Variants in TRPM7 observed in about 807,000 individuals in gnomAD.
TRPM7 encodes the protein LTRPC ion channel family member 7.
In TRPM7, 134 loss-of-function variants were observed where a neutral mutation model predicts 229.7. The ratio of observed to expected loss-of-function variants is 0.58; its 90% CI spans 0.51 to 0.67. TRPM7 has a LOEUF of 0.67. Ranked by LOEUF, TRPM7 falls within the 30% of genes least tolerant of loss-of-function variation. TRPM7 has a pLI of 0.00. For synonymous variants in TRPM7, 699 were observed against 715.2 expected, an observed-to-expected ratio of 0.98 and a Z score of 0.36; for missense variants, 1,901 against 2,210.0, an observed-to-expected ratio of 0.86 and a Z score of 2.80.
chr15:50,632,762 G>C, intron 9 of TRPM7, 107 bp downstream of exon 9: 1 of 1,105,444 alleles, frequency 9.0e-7, no homozygotes, highest in Non-Finnish European at 1.2e-6. Context: ...AGATTTCAAA[G>C]TTTAAAATCC....
At chr15:50,640,872 T>C (rs183450455) in intron 5 of TRPM7, among the ~76,000 whole-genome samples, 2 of 152,186 alleles carry the variant, frequency 1.3e-5, no homozygotes, top group African/African-American at 2.4e-5. Context: ...GATGACCATG[T>C]GCAAGCCAAA....
At chr15:50,569,362 G>A (rs926695310) in intron 38 of TRPM7, among the ~76,000 whole-genome samples, 1 of 152,106 alleles carries the variant, frequency 6.6e-6, no homozygotes, top group African/African-American at 2.4e-5. Flanking sequence ...TCCTGTTCCT[G>A]CTTGATCAAA....
At chr15:50,611,363 C>T in intron 16 of TRPM7, 42 bp from the exon 17 acceptor site, 1 of 1,495,970 alleles carries the variant, frequency 6.7e-7, no homozygotes, top group Non-Finnish European at 9.2e-7. Context: ...GATTAACAAA[C>T]TGCAATTTTA....
intron 3 of TRPM7, among the ~76,000 whole-genome samples, chr15:50,653,877 G>A (rs926065114): frequency 6.6e-6 from 1 of 152,092 alleles, no homozygotes; most frequent in African/African-American, 2.4e-5. Flanking sequence ...TGTGAACGGG[G>A]TCCTAAAGGT....
intron 11 of TRPM7, among the ~76,000 whole-genome samples, chr15:50,626,784 T>C (rs545573431): frequency 7.1e-6 from 1 of 141,522 alleles, no homozygotes; most frequent in East Asian, 2.1e-4. Flanking sequence ...ATATAGGAAA[T>C]ACATTCCCAT....
chr15:50,578,744 CA>C, intron 30 of TRPM7, 80 bp from the exon 31 acceptor site: 1 of 962,436 alleles, frequency 1.0e-6, no homozygotes, highest in Non-Finnish European at 1.5e-6. Flanking sequence ...TGATTTTATA[CA>C]ATTATTATAT....
In TRPM7 at chr15:50,614,122, C is replaced by T; in HGVS notation, c.1635+1G>A. 1 of 1,591,808 alleles carries T rather than the reference C, an allele frequency of 6.3e-7. No homozygotes were observed. On this transcript the variant is annotated splice_donor_variant, in intron 14 of 38. Transcript: ENST00000646667. LOFTEE classifies it high-confidence loss of function. Reference sequence around the variant, plus strand: ...TAGATTTCCCCACAAATTTTACATACCCGATTATTTCCACCAAGACTATTA... The same window carrying T: ...TAGATTTCCCCACAAATTTTACATATCCGATTATTTCCACCAAGACTATTA...
chr15:50,623,151 C>A (rs539045090), intron 12 of TRPM7, among the ~76,000 whole-genome samples: 3 of 152,206 alleles, frequency 2.0e-5, no homozygotes, highest in Admixed American at 2.0e-4. Flanking sequence ...CAGTGGCTCA[C>A]GCCTGTAATC....
At chr15:50,629,062 G>C (rs2060648864) in intron 10 of TRPM7, among the ~76,000 whole-genome samples, 1 of 152,088 alleles carries the variant, frequency 6.6e-6, no homozygotes, top group Admixed American at 6.5e-5. Context: ...TAGATATTCA[G>C]GTTATTTTGA....
intron 21 of TRPM7, among the ~76,000 whole-genome samples, chr15:50,602,186 T>C (rs1261244748): frequency 1.3e-5 from 2 of 152,120 alleles, no homozygotes; most frequent in African/African-American, 2.4e-5. Context: ...ATATACACCA[T>C]GGAATACTAT....
chr15:50,578,899 A>C (rs895839625), intron 30 of TRPM7, among the ~76,000 whole-genome samples: 4 of 151,484 alleles, frequency 2.6e-5, no homozygotes, highest in African/African-American at 9.7e-5. Context: ...TTGTATCTCC[A>C]ATTTATGCAT....
intron 21 of TRPM7, among the ~76,000 whole-genome samples, chr15:50,601,671 T>C (rs1327092981): frequency 6.6e-6 from 1 of 151,934 alleles, no homozygotes; most frequent in African/African-American, 2.4e-5. Context: ...AGTAAAATTT[T>C]TAAAAATGAG....
At chr15:50,586,314 T>C in intron 28 of TRPM7, 78 bp downstream of exon 28, 1 of 974,138 alleles carries the variant, frequency 1.0e-6, no homozygotes, top group Non-Finnish European at 1.6e-6. Context: ...ACTGCTCATG[T>C]GTTTGACAAA....
In TRPM7 at chr15:50,583,071, T is replaced by C. The variant is rs1048014858; in HGVS notation, c.4557+18A>G. 3.2e-6 allele frequency: 5 copies of C among 1,548,536 alleles called. No homozygotes were observed. The African/African-American group carries it at 4.2e-5, about 13-fold the overall frequency. ...ATGTATTTAATAATATATATCTGTTTAGTTGAAATCTACAAACCGGTATTA... is the reference window on the plus strand; with the variant it reads ...ATGTATTTAATAATATATATCTGTTCAGTTGAAATCTACAAACCGGTATTA... On this transcript the variant is annotated intron_variant, in intron 29 of 38. Transcript: ENST00000646667.
intron 3 of TRPM7, among the ~76,000 whole-genome samples, chr15:50,651,829 G>T (rs1463018886): frequency 6.6e-6 from 1 of 152,060 alleles, no homozygotes; most frequent in Non-Finnish European, 1.5e-5. Flanking sequence ...GGGGGTTGCA[G>T]TGAGCTGAGA....
chr15:50,677,263 C>A (rs1212556464), intron 1 of TRPM7, among the ~76,000 whole-genome samples: 1 of 152,082 alleles, frequency 6.6e-6, no homozygotes, highest in East Asian at 1.9e-4. Flanking sequence ...CCTATCAGAC[C>A]CAGGGCCCCA....
chr15:50,603,329 T>C (rs1189020279), intron 21 of TRPM7, among the ~76,000 whole-genome samples: 1 of 151,886 alleles, frequency 6.6e-6, no homozygotes, highest in Non-Finnish European at 1.5e-5. Context: ...TTTTTTTAAT[T>C]ATTATACTTT....
At chr15:50,564,825 T>C (rs529398886) in intron 38 of TRPM7, among the ~76,000 whole-genome samples, 2 of 152,260 alleles carry the variant, frequency 1.3e-5, no homozygotes, top group South Asian at 2.1e-4. Flanking sequence ...TTCAAGACTA[T>C]GTCAGTATGG....
At chr15:50,625,471 C>A (rs188723350) in intron 11 of TRPM7, among the ~76,000 whole-genome samples, 2 of 152,228 alleles carry the variant, frequency 1.3e-5, no homozygotes, top group Non-Finnish European at 2.9e-5. Flanking sequence ...CCCAGTGGCA[C>A]AATCATAGCT....
Sources: gnomAD v4.1 joint callset for allele counts (sites outside exome capture counted in the v4.1 genomes callset) on GRCh38, gnomAD v4.1.1 for gene constraint, MANE v1.5 for transcripts, NCBI Gene and HGNC (gene_info 2026-07-23, HGNC 2026-07-21) for gene names.